NCOA7: variants seen among roughly 807,000 people sequenced by gnomAD.
NCOA7 encodes the protein 140 kDa estrogen receptor-associated protein.
Under a neutral mutation model 104.3 loss-of-function variants are expected in NCOA7, and 45 were observed. That is an observed-to-expected ratio of 0.43 (90% CI 0.34 to 0.55). The LOEUF is 0.55. Ranked by LOEUF, NCOA7 falls within the 20% of genes least tolerant of loss-of-function variation. NCOA7 has a pLI of 0.02. For missense variants in NCOA7, 1,041 were observed against 1,119.7 expected (o/e 0.93, Z 1.00); for synonymous variants, 398 against 402.3 (o/e 0.99, Z 0.13).
intron 2 of NCOA7, among the ~76,000 whole-genome samples, chr6:125,827,977 A>G (rs150151097): frequency 6.6e-6 from 1 of 152,352 alleles, no homozygotes; most frequent in Non-Finnish European, 1.5e-5. Context: ...TCAAGAATTT[A>G]ATACGTTAAG....
At chr6:125,883,963 CCT>C (rs1784059641) in intron 7 of NCOA7, among the ~76,000 whole-genome samples, 1 of 152,190 alleles carries the variant, frequency 6.6e-6, no homozygotes. Context: ...AGGTGATCCA[CCT>C]GCCTTGGCCT....
Position 125,865,283 on chromosome 6 carries a change from CA to C in NCOA7, c.272-9602del, listed in dbSNP as rs1333003752. Reference sequence around the variant, plus strand: ...CTGAGTGCAGTAGTAGATTCTAGAGCAAAACGTTTTATAAGATTGGTAACTT... The same window carrying C: ...CTGAGTGCAGTAGTAGATTCTAGAGCAAACGTTTTATAAGATTGGTAACTT... On this transcript the variant is annotated intron_variant, in intron 3 of 15. Coordinates refer to ENST00000392477, the MANE Select transcript of NCOA7 (RefSeq NM_181782.5). 2.2e-5 allele frequency among the ~76,000 whole-genome samples: 3 copies of C among 137,996 alleles called. 1 individual carries two copies. In the East Asian group the frequency reaches 6.3e-4, roughly 29 times the overall value. 90.5% of individuals were successfully genotyped at this position (137,996 alleles called of 152,430 possible).
intron 2 of NCOA7, among the ~76,000 whole-genome samples, chr6:125,822,846 A>T (rs1203547481): frequency 1.3e-5 from 2 of 151,956 alleles, no homozygotes; most frequent in Non-Finnish European, 2.9e-5. Context: ...GAAGCAAGAG[A>T]ATCACTTGAA....
intron 1 of NCOA7, among the ~76,000 whole-genome samples, chr6:125,806,271 G>C (rs151009430): frequency 6.6e-6 from 1 of 152,100 alleles, no homozygotes; most frequent in Non-Finnish European, 1.5e-5. Context: ...AACCCAGGAG[G>C]GGGGGATTAC....
chr6:125,881,025 C>A (rs925854260), intron 5 of NCOA7, 65 bp from the exon 6 acceptor site: 5 of 1,037,568 alleles, frequency 4.8e-6, no homozygotes, highest in Non-Finnish European at 6.1e-6. Flanking sequence ...AATAACTTCT[C>A]CAAACACTCA....
chr6:125,814,078 G>A (rs1777340546), intron 1 of NCOA7, among the ~76,000 whole-genome samples: 1 of 151,784 alleles, frequency 6.6e-6, no homozygotes, highest in Non-Finnish European at 1.5e-5. Flanking sequence ...TATGTATTGT[G>A]GATTAATTTG....
chr6:125,894,762 G>A lies in NCOA7; in HGVS notation c.2096+3952G>A, dbSNP rs1215045487. ...ACCAAGAATACTGTGCTGGCAGCAA[G>A]CTGTACTTTTTTTTTTTTTTCCTAA... On this transcript the variant is annotated intron_variant, in intron 10 of 15. Coordinates refer to ENST00000392477, the MANE Select transcript of NCOA7 (RefSeq NM_181782.5). 2.0e-5 allele frequency among the ~76,000 whole-genome samples: 3 copies of A among 151,250 alleles called. No individual in the cohort carries two copies. In the East Asian group the frequency reaches 5.8e-4, roughly 29 times the overall value.
At chr6:125,877,522 C>A (rs1339441972) in intron 4 of NCOA7, among the ~76,000 whole-genome samples, 1 of 152,096 alleles carries the variant, frequency 6.6e-6, no homozygotes, top group African/African-American at 2.4e-5. Context: ...AGGGAGCCAA[C>A]TTTTTTTCTG....
chr6:125,788,080 C>G (rs544825643), upstream of NCOA7, among the ~76,000 whole-genome samples: 1 of 152,190 alleles, frequency 6.6e-6, no homozygotes, highest in Non-Finnish European at 1.5e-5. Flanking sequence ...GAGGTTTGAT[C>G]TGTAGTATAC....
At chr6:125,868,792 T>G (rs929458708) in intron 3 of NCOA7, among the ~76,000 whole-genome samples, 5 of 152,202 alleles carry the variant, frequency 3.3e-5, no homozygotes, top group African/African-American at 1.2e-4. Context: ...ATTCCCCTCA[T>G]TTGGATGTCA....
In NCOA7 at chr6:125,889,769, C is replaced by A; in HGVS notation, c.1715C>A (p.Thr572Asn). The change falls in exon 9 of 16, where the codon ACT (threonine) becomes AAT (asparagine). Residue 572 changes from threonine to asparagine, a missense_variant. By Grantham distance (65) the Thr-to-Asn change is moderately conservative (BLOSUM62 0). Coordinates refer to ENST00000392477, the MANE Select transcript of NCOA7 (RefSeq NM_181782.5). ...CTTTCCCAGGCGGGTGATCCCATAA[C>A]TGAGGGCAATAAAGAGCCAGATAAG... Reference protein sequence around the residue: ...SSLSQAGDPITEGNKEPDKTW... With the variant: ...SSLSQAGDPINEGNKEPDKTW... The A allele has an allele frequency of 6.2e-7, 1 of 1,612,338 alleles. No homozygotes were observed. The highest frequency in any genetic ancestry group is 2.2e-5 in the East Asian group (1 of 44,860).
At chr6:125,840,593 A>G (rs1391997165) in intron 2 of NCOA7, among the ~76,000 whole-genome samples, 1 of 151,708 alleles carries the variant, frequency 6.6e-6, no homozygotes, top group Admixed American at 6.6e-5. Context: ...AGCTCACTGT[A>G]GCCTCAAACC....
intron 3 of NCOA7, among the ~76,000 whole-genome samples, chr6:125,858,164 A>G (rs895948049): frequency 6.6e-6 from 1 of 152,070 alleles, no homozygotes; most frequent in Non-Finnish European, 1.5e-5. Context: ...ACCCTAGAGT[A>G]TTAGCTTTGT....
intron 3 of NCOA7, 108 bp from the exon 4 acceptor site, chr6:125,874,781 T>G (rs1303567030): frequency 1.4e-6 from 1 of 733,944 alleles, no homozygotes; most frequent in Non-Finnish European, 2.3e-6. Context: ...TTCCTATTAG[T>G]GTCTTTTTGT....
At chr6:125,857,022 G>C (rs2128621971) in intron 3 of NCOA7, among the ~76,000 whole-genome samples, 1 of 152,294 alleles carries the variant, frequency 6.6e-6, no homozygotes, top group East Asian at 1.9e-4. Context: ...CATGTGGTTT[G>C]TAGCTTTACA....
At chr6:125,824,785 G>T (rs1778503807) in intron 2 of NCOA7, among the ~76,000 whole-genome samples, 1 of 152,030 alleles carries the variant, frequency 6.6e-6, no homozygotes, top group Non-Finnish European at 1.5e-5. Flanking sequence ...CTGAGACGGA[G>T]TCTTGCTCTG....
chr6:125,902,349 T>C (rs1025540402), intron 10 of NCOA7, among the ~76,000 whole-genome samples: 2 of 152,206 alleles, frequency 1.3e-5, no homozygotes, highest in African/African-American at 4.8e-5. Context: ...AGTTTTCTTA[T>C]CTTCATTTTG....
At chr6:125,869,923 T>C (rs1242082210) in intron 3 of NCOA7, among the ~76,000 whole-genome samples, 1 of 152,250 alleles carries the variant, frequency 6.6e-6, no homozygotes. Flanking sequence ...GTTTATGCTT[T>C]ATTTCGAACC....
intron 1 of NCOA7, among the ~76,000 whole-genome samples, chr6:125,807,158 ATCTG>A (rs1320789928): frequency 2.0e-5 from 3 of 152,326 alleles, no homozygotes; most frequent in East Asian, 3.9e-4. Context: ...CCCCTTGAAG[ATCTG>A]TCTATCAAGC....
Sources: gnomAD v4.1 joint callset for allele counts (sites outside exome capture counted in the v4.1 genomes callset) on GRCh38, gnomAD v4.1.1 for gene constraint, MANE v1.5 for transcripts, NCBI Gene and HGNC (gene_info 2026-07-23, HGNC 2026-07-21) for gene names.